Variants in DTNB observed in about 807,000 individuals in gnomAD.
The protein encoded by DTNB is DTN-B.
In DTNB, 63 loss-of-function variants were observed where a neutral mutation model predicts 90.7. The ratio of observed to expected loss-of-function variants is 0.69; its 90% confidence interval spans 0.57 to 0.86. The LOEUF (loss-of-function observed/expected upper bound fraction) is 0.86. Ranked by LOEUF, DTNB falls within the 40% of genes least tolerant of loss-of-function variation. The pLI is 0.00. For missense variants in DTNB, 744 were observed against 807.1 expected (o/e 0.92, Z 0.95); for synonymous variants, 277 against 286.7 (o/e 0.97, Z 0.34).
intron 15 of DTNB, among the ~76,000 whole-genome samples, chr2:25,425,385 A>C (rs576669097): frequency 6.6e-6 from 1 of 152,342 alleles, no homozygotes; most frequent in South Asian, 2.1e-4. Context: ...CACAAATGCT[A>C]CATTTATCCA....
intron 10 of DTNB, 39 bp from the exon 11 acceptor site, chr2:25,455,533 A>G: frequency 6.5e-7 from 1 of 1,531,398 alleles, no homozygotes; most frequent in Non-Finnish European, 8.9e-7. Flanking sequence ...GCGTGACACA[A>G]ACACATACAG....
At chr2:25,401,176 A>T (rs2043620975) in intron 16 of DTNB, among the ~76,000 whole-genome samples, 1 of 152,172 alleles carries the variant, frequency 6.6e-6, no homozygotes, top group African/African-American at 2.4e-5. Flanking sequence ...AACTAAGCAT[A>T]TTGGGATCAC....
chr2:25,533,237 G>A (rs2078608561), intron 8 of DTNB, among the ~76,000 whole-genome samples: 1 of 152,068 alleles, frequency 6.6e-6, no homozygotes, highest in Admixed American at 6.6e-5. Flanking sequence ...GAGGTGGGAG[G>A]ATCGCTTCAG....
intron 2 of DTNB, among the ~76,000 whole-genome samples, chr2:25,650,853 C>T (rs1227834389): frequency 1.3e-5 from 2 of 152,024 alleles, no homozygotes; most frequent in African/African-American, 4.8e-5. Flanking sequence ...CCCAGCTACT[C>T]ACGAGGCTGA....
At chr2:25,476,583 C>A (rs1406945986) in intron 10 of DTNB, among the ~76,000 whole-genome samples, 7 of 151,884 alleles carry the variant, frequency 4.6e-5, no homozygotes, top group Non-Finnish European at 1.0e-4. Flanking sequence ...TGATTCCAAC[C>A]CTCATGGAAT....
At chr2:25,574,564 C>T (rs966513963) in intron 8 of DTNB, among the ~76,000 whole-genome samples, 2 of 152,168 alleles carry the variant, frequency 1.3e-5, no homozygotes, top group African/African-American at 2.4e-5. Context: ...CTTAAACTCA[C>T]GTATGAGCAT....
At chr2:25,388,021 C>T (rs992140199) in intron 17 of DTNB, among the ~76,000 whole-genome samples, 181 bp downstream of exon 17, 1 of 152,230 alleles carries the variant, frequency 6.6e-6, no homozygotes, top group African/African-American at 2.4e-5. Context: ...GCAGCCCTCC[C>T]GCTGGAGACC....
chr2:25,602,155 T>G (rs1410274626), intron 5 of DTNB, among the ~76,000 whole-genome samples: 1 of 151,824 alleles, frequency 6.6e-6, no homozygotes, highest in Non-Finnish European at 1.5e-5. Flanking sequence ...AAAAAGAAAC[T>G]TATTAATATG....
rs570868710 is a variant in DTNB, at chr2:25,666,395, C to T, written c.-2+6991G>A. 3.9e-5 allele frequency among the ~76,000 whole-genome samples: 6 copies of T among 152,188 alleles called. No individual in the cohort carries two copies. The East Asian group carries it at 1.2e-3, about 29-fold the overall frequency. ...CCTTAAATTGACAAAAGACATCTTC[C>T]AAAAACCAACAGTAAACATCATATC... On this transcript the variant is annotated intron_variant, in intron 1 of 20. Coordinates refer to ENST00000406818, the MANE Select transcript of DTNB (RefSeq NM_021907.5).
At chr2:25,552,237 C>CT (rs2056418326) in intron 8 of DTNB, among the ~76,000 whole-genome samples, 1 of 152,250 alleles carries the variant, frequency 6.6e-6, no homozygotes, top group Non-Finnish European at 1.5e-5. Flanking sequence ...GACATCTACT[C>CT]TGTGTGCTGC....
intron 8 of DTNB, among the ~76,000 whole-genome samples, chr2:25,537,841 G>C (rs1032862022): frequency 6.6e-6 from 1 of 152,198 alleles, no homozygotes; most frequent in Non-Finnish European, 1.5e-5. Flanking sequence ...GACAGAAGAA[G>C]AACACTACAG....
At chr2:25,634,685 G>A (rs1161072891) in intron 3 of DTNB, among the ~76,000 whole-genome samples, 1 of 115,840 alleles carries the variant, frequency 8.6e-6, no homozygotes, top group African/African-American at 2.7e-5. Context: ...GGTAGACATG[G>A]GAGACTTCTC....
chr2:25,426,974 G>C (rs1179098080), intron 15 of DTNB, among the ~76,000 whole-genome samples: 3 of 152,134 alleles, frequency 2.0e-5, no homozygotes, highest in Non-Finnish European at 2.9e-5. Flanking sequence ...TCAGGAGTTT[G>C]AGACCAGCCT....
intron 12 of DTNB, among the ~76,000 whole-genome samples, chr2:25,438,830 T>C (rs2056651905): frequency 6.6e-6 from 1 of 152,216 alleles, no homozygotes; most frequent in Non-Finnish European, 1.5e-5. Flanking sequence ...CAGTGACAAC[T>C]CATGTTGATA....
chr2:25,606,192 A>T (rs1038286889), intron 5 of DTNB, among the ~76,000 whole-genome samples: 2 of 33,598 alleles, frequency 6.0e-5, no homozygotes, highest in Admixed American at 3.3e-4. Flanking sequence ...CTTTCAATTT[A>T]AAAAAAAAAA....
chr2:25,415,446 T>G (rs1385821948), intron 16 of DTNB, among the ~76,000 whole-genome samples: 1 of 151,912 alleles, frequency 6.6e-6, no homozygotes, highest in Non-Finnish European at 1.5e-5. Context: ...GGGGTTTCAC[T>G]ATGTTGGCCA....
intron 1 of DTNB, among the ~76,000 whole-genome samples, chr2:25,658,883 T>C (rs904076158): frequency 8.5e-5 from 13 of 152,246 alleles, no homozygotes; most frequent in African/African-American, 3.1e-4. Flanking sequence ...GACAGAACTT[T>C]ACAACACAAA....
chr2:25,539,394 G>A (rs2080624953), intron 8 of DTNB, among the ~76,000 whole-genome samples: 1 of 152,182 alleles, frequency 6.6e-6, no homozygotes, highest in South Asian at 2.1e-4. Flanking sequence ...CTGGCCAACT[G>A]TTATTGCCAG....
At position 25,387,813 on chromosome 2, in the gene DTNB, A is replaced by G. The variant is rs1360995959; in HGVS notation, c.1735+389T>C. Among the ~76,000 whole-genome samples the G allele has an allele frequency of 2.6e-5, 4 of 152,208 alleles. No individual in the cohort carries two copies. Among genetic ancestry groups the G allele is most frequent in the Admixed American group, 2.6e-4 (4 of 15,292 alleles). ...CTGCTGGTCACCAGCTCCCCCGATG[A>G]CTGTGACAATGGCGTGCATACTGTG... On this transcript the variant is annotated intron_variant, in intron 17 of 20. Transcript: ENST00000406818. This position sits in a 1 kb window ranked among gnomAD's most constrained non-coding sequence, Gnocchi z 4.5.
Sources: gnomAD v4.1 joint callset for allele counts (sites outside exome capture counted in the v4.1 genomes callset) on GRCh38, gnomAD v4.1.1 for gene constraint, Gnocchi (gnomAD v3.1) non-coding constraint, MANE v1.5 for transcripts, NCBI Gene and HGNC (gene_info 2026-07-23, HGNC 2026-07-21) for gene names.